Variants in NTRK3 observed in about 807,000 individuals in gnomAD.
NTRK3 encodes the protein neurotrophic receptor tyrosine kinase 3.
In NTRK3, 24 loss-of-function variants were observed where a neutral mutation model predicts 91.7. That is an observed-to-expected ratio of 0.26 (90% CI 0.19 to 0.37). NTRK3 has a LOEUF of 0.37. Ranked by LOEUF, NTRK3 falls within the 10% of genes least tolerant of loss-of-function variation. The probability of loss-of-function intolerance (pLI) is 1.00; values close to 1 mark genes in which losing one functional copy is unlikely to be tolerated. For missense variants in NTRK3, 880 were observed against 1,068.9 expected, an observed-to-expected ratio of 0.82 and a Z score of 2.46; for synonymous variants, 483 against 404.0, an observed-to-expected ratio of 1.20 and a Z score of -2.34.
intron 5 of NTRK3, among the ~76,000 whole-genome samples, chr15:88,150,493 C>T (rs2043271339): frequency 1.3e-5 from 2 of 152,140 alleles, no homozygotes; most frequent in South Asian, 4.1e-4. Flanking sequence ...TCCTACTCTC[C>T]CAGGGCTGCC....
intron 13 of NTRK3, among the ~76,000 whole-genome samples, chr15:88,035,776 C>A (rs12440041): frequency 0.2 from 30,930 of 151,636 alleles, 3,517 homozygotes; most frequent in Middle Eastern, 0.32. Context: ...ACTTTCTAAA[C>A]AAAAAAAACT....
At chr15:88,110,353 G>C (rs1320728871) in intron 13 of NTRK3, among the ~76,000 whole-genome samples, 1 of 152,172 alleles carries the variant, frequency 6.6e-6, no homozygotes, top group East Asian at 1.9e-4. Context: ...AGAAATGCAA[G>C]GCAAGAGCTG....
intron 3 of NTRK3, among the ~76,000 whole-genome samples, chr15:88,223,246 C>T (rs1476807407): frequency 1.3e-5 from 2 of 152,210 alleles, no homozygotes; most frequent in African/African-American, 4.8e-5. Flanking sequence ...CCGGCCAGGG[C>T]AAAGCATCAC....
At chr15:88,216,444 A>T (rs1013714367) in intron 3 of NTRK3, among the ~76,000 whole-genome samples, 1 of 152,198 alleles carries the variant, frequency 6.6e-6, no homozygotes, top group East Asian at 1.9e-4. Flanking sequence ...GCTACAGAAT[A>T]AAATGTACTC....
At chr15:88,124,297 G>A (rs954893903) in intron 13 of NTRK3, among the ~76,000 whole-genome samples, 4 of 152,182 alleles carry the variant, frequency 2.6e-5, no homozygotes, top group Non-Finnish European at 5.9e-5. Context: ...GCCAAGAAAG[G>A]AAGGTCTGCC....
intron 13 of NTRK3, among the ~76,000 whole-genome samples, chr15:88,077,494 C>A (rs187138007): frequency 5.9e-5 from 9 of 152,138 alleles, no homozygotes; most frequent in African/African-American, 1.9e-4. Flanking sequence ...TGGAAAGCCA[C>A]GTGCAAATCA....
chr15:87,999,101 A>G (rs1596604174), intron 14 of NTRK3, among the ~76,000 whole-genome samples: 1 of 152,130 alleles, frequency 6.6e-6, no homozygotes, highest in South Asian at 2.1e-4. Context: ...CCCCATGCCA[A>G]CCCACCTACT....
rs536359813 is a variant in NTRK3 at position 88,235,655 on chromosome 15, C to T, written c.248+20251G>A. ...AATGCCCACCAGGCCCTGGCTTCCA[C>T]AGTGTCACAGAGAAGAAGGGAGCTC... On this transcript the variant is annotated intron_variant, in intron 3 of 18. Transcript: ENST00000394480. The surrounding 1 kb of genome is among the most constrained non-coding windows in gnomAD (Gnocchi z 5.2). Among the ~76,000 whole-genome samples the T allele has an allele frequency of 3.3e-5, 5 of 152,332 alleles. No homozygotes were observed. The South Asian group carries it at 1.0e-3, about 32-fold the overall frequency.
chr15:87,999,407 A>G (rs2075940847), intron 14 of NTRK3, among the ~76,000 whole-genome samples: 1 of 152,126 alleles, frequency 6.6e-6, no homozygotes, highest in Non-Finnish European at 1.5e-5. Context: ...ATTTTCTTAC[A>G]TGTATCCCCC....
intron 14 of NTRK3, among the ~76,000 whole-genome samples, chr15:87,992,716 G>A (rs1596566639): frequency 6.6e-6 from 1 of 152,222 alleles, no homozygotes; most frequent in East Asian, 1.9e-4. Flanking sequence ...AAATGAAGGG[G>A]CAGAGATGCT....
At chr15:88,002,311 T>G (rs750796915) in intron 14 of NTRK3, among the ~76,000 whole-genome samples, 4 of 150,126 alleles carry the variant, frequency 2.7e-5, no homozygotes, top group Non-Finnish European at 5.9e-5. Context: ...AAGAAAGACA[T>G]AAGTTCAGCC....
chr15:88,048,787 C>T (rs963538209), intron 13 of NTRK3, among the ~76,000 whole-genome samples: 3 of 152,212 alleles, frequency 2.0e-5, no homozygotes, highest in African/African-American at 7.2e-5. Context: ...GTCAAACCAT[C>T]TTACCAGGAA....
At chr15:88,223,101 C>T (rs528897715) in intron 3 of NTRK3, among the ~76,000 whole-genome samples, 2 of 152,264 alleles carry the variant, frequency 1.3e-5, no homozygotes, top group Non-Finnish European at 2.9e-5. Flanking sequence ...CCAGCCAGAG[C>T]TGCGGGCTCG....
chr15:87,874,882 G>A (rs1429876677), exon 19 of NTRK3: 1 of 232,046 alleles, frequency 4.3e-6, no homozygotes, highest in African/African-American at 2.2e-5. Flanking sequence ...TTCCTGCAAA[G>A]TCCTCAGGGG....
At chr15:88,030,264 T>C (rs1377836085) in intron 14 of NTRK3, among the ~76,000 whole-genome samples, 4 of 152,210 alleles carry the variant, frequency 2.6e-5, no homozygotes, top group Non-Finnish European at 4.4e-5. Context: ...ATAGCCACTT[T>C]GAATCACAAA....
At chr15:88,178,286 T>A (rs2046175408) in intron 5 of NTRK3, among the ~76,000 whole-genome samples, 2 of 152,224 alleles carry the variant, frequency 1.3e-5, no homozygotes, top group South Asian at 4.1e-4. Flanking sequence ...CATTGAGTAA[T>A]TTATAATACA....
At chr15:88,213,511 A>T (rs1307648779) in intron 3 of NTRK3, among the ~76,000 whole-genome samples, 2 of 152,168 alleles carry the variant, frequency 1.3e-5, no homozygotes, top group Non-Finnish European at 2.9e-5. Flanking sequence ...AGACAGACAG[A>T]CAGACAGACA....
At chr15:87,964,055 G>A (rs2072560070) in intron 14 of NTRK3, among the ~76,000 whole-genome samples, 1 of 152,134 alleles carries the variant, frequency 6.6e-6, no homozygotes, top group Admixed American at 6.6e-5. Context: ...CAAGAAACTG[G>A]GGTGGGGAAG....
exon 19 of NTRK3, chr15:87,867,217 C>T (rs769348314): frequency 2.2e-5 from 5 of 226,412 alleles, no homozygotes; most frequent in African/African-American, 4.4e-5. Flanking sequence ...GCTGGGAGAA[C>T]GCACTTGTTT....
Sources: allele counts gnomAD v4.1 joint callset (sites outside exome capture counted in the v4.1 genomes callset), GRCh38; gene constraint gnomAD v4.1.1; non-coding constraint Gnocchi (gnomAD v3.1); transcripts MANE v1.5; gene names NCBI Gene and HGNC (gene_info 2026-07-23, HGNC 2026-07-21).